The following GRIP1 variants were observed in gnomAD, a reference collection of about 807,000 sequenced individuals.
GRIP1 encodes glutamate receptor interacting protein 1, also known as glutamate receptor-interacting protein 1.
In GRIP1, 45 loss-of-function variants were observed where a neutral mutation model predicts 129.9. The ratio of observed to expected loss-of-function variants is 0.35; its 90% confidence interval spans 0.27 to 0.44. The LOEUF (loss-of-function observed/expected upper bound fraction) is 0.44. Among genes scored for constraint, GRIP1 ranks in the 20% least tolerant of loss-of-function variants. The probability of loss-of-function intolerance (pLI) is 1.00; values close to 1 mark genes in which losing one functional copy is unlikely to be tolerated. For synonymous variants in GRIP1, 530 were observed against 520.8 expected (o/e 1.02, Z -0.24); for missense variants, 1,196 against 1,396.8 (o/e 0.86, Z 2.29).
intron 1 of GRIP1, among the ~76,000 whole-genome samples, chr12:66,762,160 AG>A (rs2037495494): frequency 6.6e-6 from 1 of 152,212 alleles, no homozygotes; most frequent in South Asian, 2.1e-4. Context: ...TTCAATTTTG[AG>A]ATACAGGCAT....
Position 66,981,652 on chromosome 12 carries a change from G to A in GRIP1, c.58+87398C>T, listed in dbSNP as rs533139513. Among the ~76,000 whole-genome samples the A allele has an allele frequency of 5.5e-4, 83 of 152,260 alleles. 1 individual carries two copies. Among genetic ancestry groups the A allele is most frequent in the Non-Finnish European group, 1.0e-3 (70 of 68,010 alleles). On this transcript the variant is annotated intron_variant, in intron 1 of 1. Coordinates refer to the GRIP1 transcript ENST00000643019. ...GCTTTACAGCAAGGTTCTGATATAC[G>A]TTTATCTAACCCAAAGACAGTTTAT... is the stretch of plus-strand genomic sequence containing the variant.
intron 1 of GRIP1, among the ~76,000 whole-genome samples, chr12:66,883,609 T>A (rs1411098306): frequency 6.6e-6 from 1 of 152,188 alleles, no homozygotes; most frequent in Non-Finnish European, 1.5e-5. Flanking sequence ...CCTCCTTTAG[T>A]GTCTCAATGA....
chr12:67,040,226 C>A (rs2043156218), intron 1 of GRIP1, among the ~76,000 whole-genome samples: 2 of 129,768 alleles, frequency 1.5e-5, no homozygotes, highest in Admixed American at 7.7e-5. Flanking sequence ...CCCACCCCCC[C>A]AGCAAAGTGT....
At chr12:66,718,985 G>A (rs2035977638) in intron 1 of GRIP1, among the ~76,000 whole-genome samples, 1 of 152,052 alleles carries the variant, frequency 6.6e-6, no homozygotes, top group African/African-American at 2.4e-5. Flanking sequence ...GACACCTGCA[G>A]AACAAAAGTG....
chr12:66,912,898 A>G (rs770135574), intron 1 of GRIP1, among the ~76,000 whole-genome samples: 1 of 152,160 alleles, frequency 6.6e-6, no homozygotes, highest in Non-Finnish European at 1.5e-5. Context: ...GTTACAGGAT[A>G]TAGATGGAAG....
At chr12:66,752,598 A>G (rs1208424140) in intron 1 of GRIP1, among the ~76,000 whole-genome samples, 5 of 152,172 alleles carry the variant, frequency 3.3e-5, no homozygotes, top group Non-Finnish European at 7.4e-5. Context: ...ATGGCATAAT[A>G]CAGAGGCCCC....
chr12:66,658,593 GAA>G (rs72271340), intron 1 of GRIP1, among the ~76,000 whole-genome samples: 7 of 148,734 alleles, frequency 4.7e-5, no homozygotes, highest in Non-Finnish European at 8.9e-5. Flanking sequence ...AAAAAAAAAA[GAA>G]AAAAAAATCC....
intron 7 of GRIP1, among the ~76,000 whole-genome samples, chr12:66,466,758 A>C (rs929394389): frequency 6.6e-6 from 1 of 152,096 alleles, no homozygotes; most frequent in Non-Finnish European, 1.5e-5. Flanking sequence ...GAGTCATGTC[A>C]TTTTTCAAGA....
chr12:66,596,178 T>G (rs745416906), intron 2 of GRIP1, among the ~76,000 whole-genome samples: 1 of 152,242 alleles, frequency 6.6e-6, no homozygotes, highest in Non-Finnish European at 1.5e-5. Flanking sequence ...TCAGATTGTT[T>G]GAATAGCATT....
chr12:66,765,558 A>C (rs1451998705), intron 1 of GRIP1, among the ~76,000 whole-genome samples: 1 of 152,194 alleles, frequency 6.6e-6, no homozygotes, highest in East Asian at 1.9e-4. Flanking sequence ...ACTAATTCTC[A>C]TCTGTGGGTT....
At chr12:67,041,751 T>C (rs1386677828) in intron 1 of GRIP1, among the ~76,000 whole-genome samples, 1 of 150,268 alleles carries the variant, frequency 6.7e-6, no homozygotes, top group Non-Finnish European at 1.5e-5. Context: ...AGAAATTTTA[T>C]GAAAGAAAAG....
intron 1 of GRIP1, among the ~76,000 whole-genome samples, chr12:66,692,357 A>G (rs2035010214): frequency 6.6e-6 from 1 of 152,176 alleles, no homozygotes; most frequent in Non-Finnish European, 1.5e-5. Context: ...CAGAAATTTG[A>G]GTGGAGAATT....
intron 1 of GRIP1, among the ~76,000 whole-genome samples, chr12:66,917,651 A>G (rs1404244007): frequency 6.6e-6 from 1 of 152,176 alleles, no homozygotes; most frequent in Admixed American, 6.5e-5. Flanking sequence ...AATATTGCAG[A>G]GGGGAAATTT....
intron 1 of GRIP1, among the ~76,000 whole-genome samples, chr12:66,724,169 G>A (rs1456581243): frequency 6.6e-6 from 1 of 152,198 alleles, no homozygotes; most frequent in African/African-American, 2.4e-5. Context: ...TGGAAAGCCT[G>A]TTCTGGTATC....
intron 1 of GRIP1, among the ~76,000 whole-genome samples, chr12:66,898,343 T>C (rs2040786998): frequency 6.6e-6 from 1 of 152,192 alleles, no homozygotes; most frequent in African/African-American, 2.4e-5. Context: ...CTCTCTTCTC[T>C]TCCAGTTTAA....
chr12:66,735,739 T>C (rs544248398), intron 1 of GRIP1, among the ~76,000 whole-genome samples: 1 of 152,034 alleles, frequency 6.6e-6, no homozygotes, highest in African/African-American at 2.4e-5. Flanking sequence ...ATAGGCCAAA[T>C]AAGCAGGGCA....
upstream of GRIP1, among the ~76,000 whole-genome samples, chr12:66,808,149 G>T (rs893185357): frequency 6.6e-6 from 1 of 151,996 alleles, no homozygotes; most frequent in Non-Finnish European, 1.5e-5. Context: ...CCAGTAAGAG[G>T]TGCTATTTAT....
At chr12:66,377,356 C>G in intron 20 of GRIP1, 71 bp from the exon 21 acceptor site, 2 of 986,158 alleles carry the variant, frequency 2.0e-6, no homozygotes, top group Non-Finnish European at 3.3e-6. Flanking sequence ...GAGACGGAGT[C>G]TCTCTCTGTC....
At chr12:66,353,648 C>G in intron 23 of GRIP1, 85 bp from the exon 24 acceptor site, 1 of 1,179,260 alleles carries the variant, frequency 8.5e-7, no homozygotes, top group East Asian at 2.3e-5. Flanking sequence ...TCTTTTCACA[C>G]GAATTTAGTC....
Sources: gnomAD v4.1 joint callset for allele counts (sites outside exome capture counted in the v4.1 genomes callset) on GRCh38, gnomAD v4.1.1 for gene constraint, MANE v1.5 for transcripts, NCBI Gene and HGNC (gene_info 2026-07-23, HGNC 2026-07-21) for gene names.